VGLL3: variants seen among roughly 807,000 people sequenced by gnomAD.
VGLL3 encodes transcription cofactor vestigial-like protein 3.
Under a neutral mutation model 29.2 loss-of-function variants are expected in VGLL3, and 18 were observed. The ratio of observed to expected loss-of-function variants is 0.62; its 90% CI spans 0.43 to 0.91. The LOEUF is 0.91. VGLL3 is among the 40% of genes least tolerant of loss of function. The pLI is 0.00. For synonymous variants in VGLL3, 180 were observed against 151.8 expected (o/e 1.19, Z -1.36); for missense variants, 440 against 413.2 (o/e 1.06, Z -0.56).
In VGLL3 at chr3:86,991,018, C is replaced by A; in HGVS notation, c.-275G>T. ...TATAGCGGCTCAGGGACGCAGCCGCCCGCTGCGCCGCTGGGGCATTACCGC... is the reference window on the plus strand; with the variant it reads ...TATAGCGGCTCAGGGACGCAGCCGCACGCTGCGCCGCTGGGGCATTACCGC... On this transcript the variant is annotated 5_prime_UTR_variant, in exon 1 of 4. Transcript: ENST00000398399. 1.2e-6 allele frequency: 1 copy of A among 825,198 alleles called. No individual in the cohort carries two copies. Among genetic ancestry groups the A allele is most frequent in the Non-Finnish European group, 1.5e-6 (1 of 677,876 alleles). 51.1% of individuals were successfully genotyped at this position (825,198 alleles called of 1,614,324 possible).
rs919439701 is a variant in VGLL3 at position 86,944,125 on chromosome 3, A to T, written c.*2899T>A. 6.6e-6 allele frequency: 1 copy of T among 152,150 alleles called. No individual in the cohort carries two copies. Among genetic ancestry groups the T allele is most frequent in the Non-Finnish European group, 1.5e-5 (1 of 68,024 alleles). 9.4% of individuals were successfully genotyped at this position (152,150 alleles called of 1,614,324 possible). ...AAATTACAACCCATCCTCTTTTAGG[A>T]CTTCTAACAGCAATATGGTCCTAGA... On this transcript the variant is annotated 3_prime_UTR_variant, in exon 4 of 4. Coordinates refer to ENST00000398399, the MANE Select transcript of VGLL3 (RefSeq NM_016206.4).
chr3:86,977,836 T>A (rs1705241679), intron 2 of VGLL3, among the ~76,000 whole-genome samples: 1 of 152,200 alleles, frequency 6.6e-6, no homozygotes, highest in Non-Finnish European at 1.5e-5. Flanking sequence ...ACGTATTATG[T>A]TTTTATCTAA....
At chr3:86,975,456 C>G (rs896099225) in intron 2 of VGLL3, among the ~76,000 whole-genome samples, 1 of 152,026 alleles carries the variant, frequency 6.6e-6, no homozygotes, top group Non-Finnish European at 1.5e-5. Flanking sequence ...AATTACAGAA[C>G]TTTACAGAAG....
intron 1 of VGLL3, among the ~76,000 whole-genome samples, chr3:86,980,280 A>G (rs763847984): frequency 3.0e-4 from 45 of 152,244 alleles, no homozygotes; most frequent in African/African-American, 1.1e-3. Context: ...TAGCTTCAAT[A>G]TCTATAGCTT....
chr3:86,948,995 A>G (rs935520913), intron 3 of VGLL3, among the ~76,000 whole-genome samples: 24 of 152,164 alleles, frequency 1.6e-4, no homozygotes, highest in Admixed American at 1.2e-3. Flanking sequence ...TTTTTTAATT[A>G]TTAAAACATC....
chr3:86,954,648 C>G (rs1215470475), intron 3 of VGLL3, among the ~76,000 whole-genome samples: 1 of 151,940 alleles, frequency 6.6e-6, no homozygotes, highest in Non-Finnish European at 1.5e-5. Context: ...TGGCAATTTA[C>G]CAGTCTCAAA....
chr3:86,968,411 T>C (rs938938229), intron 3 of VGLL3, among the ~76,000 whole-genome samples, 179 bp downstream of exon 3: 1 of 152,248 alleles, frequency 6.6e-6, no homozygotes, highest in Non-Finnish European at 1.5e-5. Context: ...CTGGATTTCA[T>C]GAGCTAGTCA....
intron 1 of VGLL3, among the ~76,000 whole-genome samples, chr3:86,981,564 T>C (rs575665094): frequency 7.0e-4 from 107 of 152,024 alleles, no homozygotes; most frequent in African/African-American, 2.5e-3. Flanking sequence ...AGCAAATATA[T>C]ATGGTTCTTT....
At position 86,943,463 on chromosome 3, in the gene VGLL3, C is replaced by A. The variant is rs1477315455; in HGVS notation, c.*3561G>T. 2 of 151,744 alleles carry A rather than the reference C, an allele frequency of 1.3e-5. No homozygotes were observed. The highest frequency in any genetic ancestry group is 1.5e-5 in the Non-Finnish European group (1 of 67,942). 9.4% of individuals were successfully genotyped at this position (151,744 alleles called of 1,614,324 possible). On this transcript the variant is annotated 3_prime_UTR_variant, in exon 4 of 4. Transcript: ENST00000398399. ...CAAATACTTTTTGTATAATGAATAACAAGCTTCTCAAAGGCAACTTTCATG... is the reference window on the plus strand; with the variant it reads ...CAAATACTTTTTGTATAATGAATAAAAAGCTTCTCAAAGGCAACTTTCATG...
intron 3 of VGLL3, among the ~76,000 whole-genome samples, chr3:86,957,254 A>G (rs62257347): frequency 0.015 from 2,355 of 152,314 alleles, 30 homozygotes; most frequent in East Asian, 0.032. Flanking sequence ...TGCACGGCCA[A>G]TATCAGCAAA....
At chr3:86,962,683 G>T (rs1400762063) in intron 3 of VGLL3, 2 of 840,430 alleles carry the variant, frequency 2.4e-6, no homozygotes, top group Non-Finnish European at 2.9e-6. Flanking sequence ...TCTACTCCTA[G>T]ATATATTTCC....
intron 3 of VGLL3, among the ~76,000 whole-genome samples, chr3:86,967,323 G>A (rs191270478): frequency 6.6e-6 from 1 of 152,254 alleles, no homozygotes; most frequent in Admixed American, 6.5e-5. Flanking sequence ...ATGTGGCAAA[G>A]AAAGAAGGGA....
In VGLL3 at chr3:86,990,812, C is replaced by A. The variant is rs1037842873; in HGVS notation, c.-69G>T. ...TACGCGCTGGCGCGAGGGGCGCGGG[C>A]GCCGCCGCCGCCGCAGCTGCCGCCT... On this transcript the variant is annotated 5_prime_UTR_variant, in exon 1 of 4. Transcript: ENST00000398399. The A allele has an allele frequency of 4.2e-5, 50 of 1,200,406 alleles. No homozygotes were observed. The highest frequency in any genetic ancestry group is 5.1e-5 in the Non-Finnish European group (49 of 960,992). The allele number at this position is 1,200,406 out of a possible 1,614,324, so 74.4% of individuals were successfully genotyped here.
chr3:86,961,280 G>T (rs1433133526), intron 3 of VGLL3, among the ~76,000 whole-genome samples: 2 of 152,002 alleles, frequency 1.3e-5, no homozygotes, highest in Non-Finnish European at 2.9e-5. Flanking sequence ...GGATGAAGTG[G>T]AAATTATGAA....
At chr3:86,986,508 T>C (rs1362853875) in intron 1 of VGLL3, among the ~76,000 whole-genome samples, 3 of 152,188 alleles carry the variant, frequency 2.0e-5, no homozygotes, top group Non-Finnish European at 4.4e-5. Context: ...TCGAAGTCTC[T>C]ACAGTGAAGT....
chr3:86,974,366 G>A (rs894790691), intron 2 of VGLL3, among the ~76,000 whole-genome samples: 6 of 151,894 alleles, frequency 4.0e-5, no homozygotes, highest in South Asian at 2.1e-4. Context: ...TGAACTGCCC[G>A]GCCGCGGCCT....
At chr3:86,966,784 T>TAC (rs1302333849) in intron 3 of VGLL3, among the ~76,000 whole-genome samples, 30 of 65,216 alleles carry the variant, frequency 4.6e-4, no homozygotes, top group African/African-American at 1.6e-3. Flanking sequence ...TATATATATA[T>TAC]ATATATATAT....
intron 3 of VGLL3, among the ~76,000 whole-genome samples, chr3:86,950,875 G>A (rs1328296962): frequency 6.6e-6 from 1 of 152,082 alleles, no homozygotes; most frequent in Non-Finnish European, 1.5e-5. Flanking sequence ...GCCTCTTGAG[G>A]CGGTTGTCAG....
At chr3:86,981,610 T>G (rs944235776) in intron 1 of VGLL3, among the ~76,000 whole-genome samples, 31 of 152,170 alleles carry the variant, frequency 2.0e-4, no homozygotes, top group African/African-American at 7.0e-4. Context: ...TTAAATAAAA[T>G]TTTTTGTAAT....
Sources: allele counts gnomAD v4.1 joint callset (sites outside exome capture counted in the v4.1 genomes callset), GRCh38; gene constraint gnomAD v4.1.1; transcripts MANE v1.5; gene names NCBI Gene and HGNC (gene_info 2026-07-23, HGNC 2026-07-21).